The following CNTNAP5 variants were observed in gnomAD, a reference collection of about 807,000 sequenced individuals.
CNTNAP5 encodes contactin associated protein family member 5.
CNTNAP5 carries 72 observed loss-of-function variants against 150.2 expected under a neutral mutation model. The observed-to-expected ratio is 0.48, with a 90% confidence interval of 0.40 to 0.58. CNTNAP5 has a LOEUF of 0.58. Among genes scored for constraint, CNTNAP5 ranks in the 20% least tolerant of loss-of-function variants. The pLI is 0.00. For synonymous variants in CNTNAP5, 672 were observed against 619.8 expected (o/e 1.08, Z -1.25); for missense variants, 1,636 against 1,626.2 (o/e 1.01, Z -0.10).
intron 14 of CNTNAP5, among the ~76,000 whole-genome samples, chr2:124,760,320 A>G (rs1464264126): frequency 3.9e-5 from 6 of 151,928 alleles, no homozygotes; most frequent in South Asian, 2.1e-4. Context: ...AAAAGAGGGG[A>G]AAAAAACCCA....
intron 11 of CNTNAP5, among the ~76,000 whole-genome samples, chr2:124,565,767 T>G (rs1462578348): frequency 6.6e-6 from 1 of 151,652 alleles, no homozygotes; most frequent in Non-Finnish European, 1.5e-5. Context: ...GCCCAGCTAA[T>G]TTTTTATATT....
chr2:124,625,739 G>A (rs1233542736), intron 12 of CNTNAP5, among the ~76,000 whole-genome samples: 3 of 152,164 alleles, frequency 2.0e-5, no homozygotes, highest in African/African-American at 7.2e-5. Context: ...TCAGGGGATT[G>A]GGAGACAGTC....
chr2:124,310,979 A>G (rs1397107381), intron 3 of CNTNAP5, among the ~76,000 whole-genome samples: 1 of 152,154 alleles, frequency 6.6e-6, no homozygotes, highest in East Asian at 1.9e-4. Flanking sequence ...GATGAAAATG[A>G]GACAGTCTCT....
intron 16 of CNTNAP5, among the ~76,000 whole-genome samples, chr2:124,766,695 A>C (rs1681076095): frequency 6.6e-6 from 1 of 152,172 alleles, no homozygotes; most frequent in African/African-American, 2.4e-5. Context: ...CTTCAATGTA[A>C]ATTTAATAAA....
Position 124,242,215 on chromosome 2 carries a change from C to G in CNTNAP5, c.203C>G (p.Ser68Cys), listed in dbSNP as rs766008579. The change falls in exon 3 of 24, where the codon TCC becomes TGC. Residue 68 changes from serine to cysteine, a missense_variant. Physicochemically the swap from Ser to Cys is moderately radical, Grantham distance 112. Coordinates refer to ENST00000682447, the MANE Select transcript of CNTNAP5 (RefSeq NM_001367498.1). ...LNWRVGTGGW[S>C]PADSNAQQWL... Reference sequence around the variant, plus strand: ...CCTGTTCCAGGAACTGGCGGTTGGTCCCCAGCAGATTCCAATGCTCAACAG... The same window carrying G: ...CCTGTTCCAGGAACTGGCGGTTGGTGCCCAGCAGATTCCAATGCTCAACAG... The G allele has an allele frequency of 9.4e-6, 15 of 1,591,386 alleles. No homozygotes were observed. The highest frequency in any genetic ancestry group is 1.3e-5 in the Non-Finnish European group (15 of 1,168,044).
chr2:124,207,050 C>A (rs539717892), intron 1 of CNTNAP5, among the ~76,000 whole-genome samples: 2 of 152,140 alleles, frequency 1.3e-5, no homozygotes, highest in African/African-American at 4.8e-5. Flanking sequence ...TTCACATTTT[C>A]TTAGTATGCT....
At position 124,630,524 on chromosome 2, in the gene CNTNAP5, C is replaced by T. The variant is rs572594081; in HGVS notation, c.1877-17234C>T. 3.9e-4 allele frequency among the ~76,000 whole-genome samples: 59 copies of T among 152,286 alleles called. 1 individual carries two copies. The highest frequency in any genetic ancestry group is 6.8e-3 in the Middle Eastern group (2 of 294). Reference sequence around the variant, plus strand: ...AAAGGCCTTCAATAAAATTTAACATCTATTCATGTTAAAAACTCTCAATAA... The same window carrying T: ...AAAGGCCTTCAATAAAATTTAACATTTATTCATGTTAAAAACTCTCAATAA... On this transcript the variant is annotated intron_variant, in intron 12 of 23. Coordinates refer to ENST00000682447, the MANE Select transcript of CNTNAP5 (RefSeq NM_001367498.1).
At chr2:124,248,488 C>T (rs1687085384) in intron 3 of CNTNAP5, among the ~76,000 whole-genome samples, 1 of 152,168 alleles carries the variant, frequency 6.6e-6, no homozygotes. Flanking sequence ...CTGGATAGAG[C>T]TCTGCAGAAA....
At position 124,253,288 on chromosome 2, in the gene CNTNAP5, A is replaced by G. The variant is rs540744266; in HGVS notation, c.381+10895A>G. 3.3e-5 allele frequency among the ~76,000 whole-genome samples: 5 copies of G among 152,152 alleles called. No individual in the cohort carries two copies. The South Asian group carries it at 6.2e-4, about 19-fold the overall frequency. ...AAGACACTAAGGAATTACCGTATATACTTTTGTATATATATTTAAATAAGT... is the reference window on the plus strand; with the variant it reads ...AAGACACTAAGGAATTACCGTATATGCTTTTGTATATATATTTAAATAAGT... On this transcript the variant is annotated intron_variant, in intron 3 of 23. Transcript: ENST00000682447.
chr2:124,358,038 G>T (rs1351511971), intron 3 of CNTNAP5, among the ~76,000 whole-genome samples: 1 of 151,716 alleles, frequency 6.6e-6, no homozygotes, highest in African/African-American at 2.4e-5. Flanking sequence ...TTGTAAGTTG[G>T]ATTCCTAGGT....
At chr2:124,832,903 C>T (rs1573647463) in intron 19 of CNTNAP5, among the ~76,000 whole-genome samples, 1 of 144,842 alleles carries the variant, frequency 6.9e-6, no homozygotes, top group African/African-American at 2.7e-5. Context: ...CTTTCTTTTT[C>T]TTTTTTTTTC....
rs1370319066 is a variant in CNTNAP5 at position 124,492,783 on chromosome 2, G to T, written c.1063-11509G>T. On this transcript the variant is annotated intron_variant, in intron 7 of 23. Coordinates refer to ENST00000682447, the MANE Select transcript of CNTNAP5 (RefSeq NM_001367498.1). ...TATTTTCATATAGTTTGTTGTTAGT[G>T]TATAGAAATTCAACTTATTTTTGTA... is the stretch of plus-strand genomic sequence containing the variant. Among the ~76,000 whole-genome samples, 3 of 152,128 alleles carry T rather than the reference G, an allele frequency of 2.0e-5. No individual in the cohort carries two copies. In the East Asian group the frequency reaches 5.8e-4, roughly 29 times the overall value.
At chr2:124,487,028 G>A (rs1214712473) in intron 7 of CNTNAP5, among the ~76,000 whole-genome samples, 1 of 152,014 alleles carries the variant, frequency 6.6e-6, no homozygotes, top group Admixed American at 6.5e-5. Context: ...TTATTTCCCT[G>A]CCACTTCTTT....
chr2:124,524,579 C>T, intron 9 of CNTNAP5, 127 bp downstream of exon 9: 1 of 810,508 alleles, frequency 1.2e-6, no homozygotes, highest in Non-Finnish European at 1.9e-6. Flanking sequence ...CACACACACA[C>T]ATGCACATAC....
At chr2:124,833,480 C>A (rs1302088412) in intron 19 of CNTNAP5, among the ~76,000 whole-genome samples, 6 of 152,018 alleles carry the variant, frequency 3.9e-5, no homozygotes, top group African/African-American at 1.5e-4. Flanking sequence ...TGATTGTTGA[C>A]TAAAGAAAAT....
chr2:124,481,263 C>G (rs1388139085), intron 7 of CNTNAP5, among the ~76,000 whole-genome samples: 1 of 152,188 alleles, frequency 6.6e-6, no homozygotes. Context: ...TCCTGAAAGG[C>G]CTTACCTCCT....
At chr2:124,161,735 G>A (rs1391203570) in intron 1 of CNTNAP5, among the ~76,000 whole-genome samples, 1 of 152,122 alleles carries the variant, frequency 6.6e-6, no homozygotes, top group Non-Finnish European at 1.5e-5. Flanking sequence ...AAAAACAAAT[G>A]ATCTCTGCCC....
rs182871615 is a variant in CNTNAP5 at position 124,917,792 on chromosome 2, G to A, written c.*3504G>A. ...TGTTTTTGCCCTTGGGGAGCTCAAA[G>A]TCTAGCTGGCAAGGCATGTATTGTT... On this transcript the variant is annotated 3_prime_UTR_variant, in exon 24 of 24. Transcript: ENST00000682447. Among the ~76,000 whole-genome samples, 163 of 152,160 alleles carry A rather than the reference G, an allele frequency of 1.1e-3. No homozygotes were observed. The highest frequency in any genetic ancestry group is 1.8e-3 in the Non-Finnish European group (122 of 67,990).
At chr2:124,057,372 C>A (rs188021775) in intron 1 of CNTNAP5, among the ~76,000 whole-genome samples, 33 of 150,556 alleles carry the variant, frequency 2.2e-4, no homozygotes, top group Middle Eastern at 3.4e-3. Context: ...AACTCTGCCT[C>A]CCCGGTTCAC....
Sources: allele counts gnomAD v4.1 joint callset (sites outside exome capture counted in the v4.1 genomes callset), GRCh38; gene constraint gnomAD v4.1.1; transcripts MANE v1.5; gene names NCBI Gene and HGNC (gene_info 2026-07-23, HGNC 2026-07-21).